TERF1: variants seen among roughly 807,000 people sequenced by gnomAD.
TERF1 encodes the protein telomeric repeat-binding factor 1.
Under a neutral mutation model 55.1 loss-of-function variants are expected in TERF1, and 20 were observed. That is an observed-to-expected ratio of 0.36 (90% CI 0.26 to 0.53). The LOEUF (loss-of-function observed/expected upper bound fraction) is 0.53. Ranked by LOEUF, TERF1 falls within the 20% of genes least tolerant of loss-of-function variation. TERF1 has a pLI of 0.91. For synonymous variants in TERF1, 168 were observed against 181.2 expected (o/e 0.93, Z 0.59); for missense variants, 439 against 535.7 (o/e 0.82, Z 1.78).
chr8:73,036,146 A>C (rs1004019840), intron 8 of TERF1, among the ~76,000 whole-genome samples: 2 of 152,254 alleles, frequency 1.3e-5, no homozygotes, highest in African/African-American at 4.8e-5. Flanking sequence ...ACTCAGAGCC[A>C]AGGGCCCAGT....
At chr8:73,022,622 A>G (rs572033717) in intron 4 of TERF1, among the ~76,000 whole-genome samples, 5 of 152,094 alleles carry the variant, frequency 3.3e-5, no homozygotes, top group South Asian at 2.1e-4. Flanking sequence ...ATAATGAAAA[A>G]TAAATACAAT....
intron 9 of TERF1, among the ~76,000 whole-genome samples, chr8:73,044,067 A>C (rs913174069): frequency 4.6e-5 from 7 of 152,154 alleles, no homozygotes; most frequent in Non-Finnish European, 1.0e-4. Context: ...AAGTGCTTTT[A>C]ATCAGTCACC....
rs1478732063 is a variant in TERF1 at position 73,020,670 on chromosome 8, T to G, written c.416-14T>G. On this transcript the variant is annotated splice_polypyrimidine_tract_variant and intron_variant, in intron 2 of 9. Coordinates refer to ENST00000276603, the MANE Select transcript of TERF1 (RefSeq NM_017489.3). The stretch of plus-strand genomic sequence containing the variant: ...AGCTTTCTGAGTTACTTATTTTTGT[T>G]CTGTTTTTAAAAGATGCACAGTTTG... 1 of 1,577,412 alleles carries G rather than the reference T, an allele frequency of 6.3e-7. No individual in the cohort carries two copies. The highest frequency in any genetic ancestry group is 1.2e-5 in the South Asian group (1 of 84,188).
chr8:73,045,038 A>G (rs1249854625), intron 9 of TERF1, among the ~76,000 whole-genome samples: 2 of 152,166 alleles, frequency 1.3e-5, no homozygotes, highest in Non-Finnish European at 2.9e-5. Context: ...TTAGATATGT[A>G]CCCAGAAGTG....
chr8:73,010,509 C>A (rs552405781), intron 1 of TERF1: 13 of 152,282 alleles, frequency 8.5e-5, no homozygotes, highest in African/African-American at 2.9e-4. Flanking sequence ...GGTTACTATA[C>A]AAATATGTAT....
At chr8:73,041,376 A>G (rs1809825133) in intron 9 of TERF1, among the ~76,000 whole-genome samples, 1 of 152,056 alleles carries the variant, frequency 6.6e-6, no homozygotes. Flanking sequence ...GACCTCTTTC[A>G]ACTATAACGC....
At chr8:73,030,308 T>C in intron 6 of TERF1, 28 bp from the exon 7 acceptor site, 1 of 1,483,938 alleles carries the variant, frequency 6.7e-7, no homozygotes, top group Non-Finnish European at 9.0e-7. Flanking sequence ...TTTGTTTACA[T>C]TCTTACAAAT....
chr8:73,013,355 G>A (rs1033155680), intron 1 of TERF1, among the ~76,000 whole-genome samples: 1 of 152,104 alleles, frequency 6.6e-6, no homozygotes, highest in Non-Finnish European at 1.5e-5. Context: ...TACTTCAGTA[G>A]TTCAATCGCT....
At chr8:73,027,408 T>G (rs1809058837) in intron 6 of TERF1, among the ~76,000 whole-genome samples, 2 of 152,214 alleles carry the variant, frequency 1.3e-5, no homozygotes, top group Admixed American at 1.3e-4. Context: ...AGTCTAGTAT[T>G]TTAAGATATT....
intron 1 of TERF1, among the ~76,000 whole-genome samples, chr8:73,013,338 A>G (rs1808355344): frequency 6.6e-6 from 1 of 152,186 alleles, no homozygotes; most frequent in East Asian, 1.9e-4. Context: ...AGTTTTCACA[A>G]CATTTTTACT....
chr8:73,035,350 T>TA (rs1417159131), intron 8 of TERF1, among the ~76,000 whole-genome samples: 1 of 152,132 alleles, frequency 6.6e-6, no homozygotes, highest in Non-Finnish European at 1.5e-5. Flanking sequence ...GGAAGTTGTT[T>TA]AATTTCCAAA....
chr8:73,041,215 C>A (rs1158381534), intron 9 of TERF1, among the ~76,000 whole-genome samples: 1 of 152,072 alleles, frequency 6.6e-6, no homozygotes, highest in Non-Finnish European at 1.5e-5. Context: ...GATAAATGAT[C>A]CTTTAATGTG....
rs766155659 is a variant in TERF1 at position 73,009,180 on chromosome 8, C to T, written c.294C>T (p.Phe98=). ...RAFRDGRSED[F]RRTRNSAEAI... ...TCCGCGACGGCCGCTCCGAGGACTT[C>T]CGCAGGACCCGCAACAGCGCAGAGG... is the stretch of plus-strand genomic sequence containing the variant. Residue 98 remains phenylalanine, a synonymous_variant, in exon 1 of 10, where the codon TTC becomes TTT. Transcript: ENST00000276603. 3.1e-6 allele frequency: 5 copies of T among 1,610,694 alleles called. No individual in the cohort carries two copies. Among genetic ancestry groups the T allele is most frequent in the Non-Finnish European group, 4.2e-6 (5 of 1,179,848 alleles).
chr8:73,038,139 G>A (rs1809683605), intron 8 of TERF1, among the ~76,000 whole-genome samples: 1 of 151,134 alleles, frequency 6.6e-6, no homozygotes, highest in African/African-American at 2.4e-5. Flanking sequence ...ACATACAAAT[G>A]TATCACTTTT....
At chr8:73,045,772 A>G (rs1244982647) in intron 9 of TERF1, among the ~76,000 whole-genome samples, 189 bp from the exon 10 acceptor site, 1 of 152,208 alleles carries the variant, frequency 6.6e-6, no homozygotes, top group Non-Finnish European at 1.5e-5. Context: ...AATGAACAGT[A>G]ATAATAATGA....
intron 6 of TERF1, chr8:73,029,811 GGA>G (rs1809200893): frequency 6.6e-6 from 1 of 152,128 alleles, no homozygotes; most frequent in Non-Finnish European, 1.5e-5. Flanking sequence ...TATCATTTTA[GGA>G]GAGAGGAATA....
intron 1 of TERF1, among the ~76,000 whole-genome samples, chr8:73,013,093 T>G (rs1469231172): frequency 6.6e-6 from 1 of 152,342 alleles, no homozygotes; most frequent in Admixed American, 6.5e-5. Context: ...ATATTCGTCT[T>G]ATATGCTTAA....
rs960020069 is a variant in TERF1, at chr8:73,009,211, T to C, written c.319+6T>C. 11 of 1,605,674 alleles carry C rather than the reference T, an allele frequency of 6.9e-6. No homozygotes were observed. Among genetic ancestry groups the C allele is most frequent in the South Asian group, 4.4e-5 (4 of 90,792 alleles). ...GACCCGCAACAGCGCAGAGGGTGAG[T>C]GCAGACCGCGTCCGGGCCGGGACTA... On this transcript the variant is annotated splice_donor_region_variant and intron_variant, in intron 1 of 9. Coordinates refer to ENST00000276603, the MANE Select transcript of TERF1 (RefSeq NM_017489.3).
intron 9 of TERF1, 70 bp from the exon 10 acceptor site, chr8:73,045,891 G>T: frequency 8.2e-7 from 1 of 1,217,742 alleles, no homozygotes; most frequent in South Asian, 2.1e-5. Context: ...TTTAAAACTG[G>T]CATTTATAGT....
Sources: gnomAD v4.1 joint callset for allele counts (sites outside exome capture counted in the v4.1 genomes callset) on GRCh38, gnomAD v4.1.1 for gene constraint, MANE v1.5 for transcripts, NCBI Gene and HGNC (gene_info 2026-07-23, HGNC 2026-07-21) for gene names.